Variants in GET4 observed in about 807,000 individuals in gnomAD.
GET4 encodes guided entry of tail-anchored proteins factor 4, also known as Golgi to ER traffic protein 4 homolog.
GET4 carries 20 observed loss-of-function variants against 40.0 expected under a neutral mutation model. The observed-to-expected ratio is 0.50, with a 90% CI of 0.35 to 0.73. The LOEUF (loss-of-function observed/expected upper bound fraction) is 0.73. Among genes scored for constraint, GET4 ranks in the 30% least tolerant of loss-of-function variants. GET4 has a pLI of 0.01. For synonymous variants in GET4, 280 were observed against 194.6 expected (o/e 1.44, Z -3.65); for missense variants, 557 against 454.0 (o/e 1.23, Z -2.06).
chr7:891,012 C>T lies in GET4; in HGVS notation c.551C>T (p.Thr184Met), dbSNP rs770819090. ...GCANMLVEYS[T>M]SRGFRSEVDM... is the part of the protein sequence containing the mutation. ...GCCAACATGCTGGTGGAGTATTCCACGTCCCGCGGCTTCCGCAGCGAGGTG... is the reference window on the plus strand; with the variant it reads ...GCCAACATGCTGGTGGAGTATTCCATGTCCCGCGGCTTCCGCAGCGAGGTG... Residue 184 changes from threonine (T) to methionine (M), a missense_variant, in exon 5 of 9, where the codon ACG becomes ATG. Thr to Met is a moderately conservative substitution (Grantham distance 81). Coordinates refer to ENST00000265857, the MANE Select transcript of GET4 (RefSeq NM_015949.3). 1.4e-5 allele frequency: 22 copies of T among 1,611,340 alleles called. No homozygotes were observed. In the Middle Eastern group the frequency reaches 8.2e-4, roughly 60 times the overall value.
intron 6 of GET4, among the ~76,000 whole-genome samples, chr7:893,316 AGGTGAGTGTTGGGCG>A (rs1844379125): frequency 1.9e-5 from 2 of 104,960 alleles, no homozygotes; most frequent in African/African-American, 7.5e-5. Context: ...TGGTGTGTGC[AGGTGAGTGTTGGGCG>A]CGGGCGTGGT....
In GET4 at chr7:892,350, C is replaced by T. The variant is rs755934178; in HGVS notation, c.678C>T (p.Ile226=). Residue 226 remains isoleucine (I), a synonymous_variant, in exon 6 of 9, where the codon ATC becomes ATT. Coordinates refer to ENST00000265857, the MANE Select transcript of GET4 (RefSeq NM_015949.3). ...CGTACACCCAGAAGCACCCGTCCAT[C>T]GAGGACGGGCCTCCGTTTGTGGAGC... ...FTTYTQKHPS[I]EDGPPFVEPL... is the part of the protein sequence containing the mutation. 92 of 1,595,434 alleles carry T rather than the reference C, an allele frequency of 5.8e-5. No individual in the cohort carries two copies. The highest frequency in any genetic ancestry group is 1.5e-4 in the Admixed American group (9 of 59,806).
rs541465911 is a variant in GET4 at position 892,168 on chromosome 7, C to T, written c.606-110C>T. On this transcript the variant is annotated intron_variant, in intron 5 of 8. Coordinates refer to ENST00000265857, the MANE Select transcript of GET4 (RefSeq NM_015949.3). ...TGGGTCCCTCCATGGCCTTGGGCCG[C>T]AGGAACCGTGGGCGCACGAGCTTGG... is the stretch of plus-strand genomic sequence containing the variant. 1.4e-4 allele frequency: 158 copies of T among 1,132,866 alleles called. No individual in the cohort carries two copies. The African/African-American group carries it at 2.1e-3, about 15-fold the overall frequency. The allele number at this position is 1,132,866 out of a possible 1,614,324, so 70.2% of individuals were successfully genotyped here.
chr7:884,131 C>G (rs933430672), intron 1 of GET4: 2 of 1,236,338 alleles, frequency 1.6e-6, no homozygotes, highest in South Asian at 2.8e-5. Context: ...TGCTTTACCT[C>G]AGATAGAAGC....
chr7:892,984 AGT>A lies in GET4; in HGVS notation c.746+569_746+570del, dbSNP rs143225690. Among the ~76,000 whole-genome samples the A allele has an allele frequency of 2.6e-4, 38 of 147,222 alleles. 1 individual carries two copies. The East Asian group carries it at 7.6e-3, about 29-fold the overall frequency. On this transcript the variant is annotated intron_variant, in intron 6 of 8. Transcript: ENST00000265857. ...TGCAGGTGTTGGGTGTTTGCAGGTA[AGT>A]GTTGGGGGCGGGCGTGGTGGTGTTT...
rs1188547990 is a variant in GET4, at chr7:882,540, G to A, written c.156-3516G>A. The A allele has an allele frequency of 4.6e-5, 7 of 152,560 alleles. No homozygotes were observed. In the South Asian group the frequency reaches 7.9e-4, roughly 17 times the overall value. 9.5% of individuals were successfully genotyped at this position (152,560 alleles called of 1,614,324 possible). ...AGTTATGGGCGGCCGACCTTGCCCC[G>A]GGGATGGCGCGGGTTGTGGGCGGCC... On this transcript the variant is annotated intron_variant, in intron 1 of 8. Transcript: ENST00000265857.
rs565623105 is a variant in GET4 at position 889,275 on chromosome 7, G to A, written c.467-1653G>A. 2.2e-3 allele frequency among the ~76,000 whole-genome samples: 340 copies of A among 152,312 alleles called. 2 individuals are homozygous for A. The highest frequency in any genetic ancestry group is 3.8e-3 in the Non-Finnish European group (257 of 68,018). ...TGTGGGACTTTGATGGACCTCACCC[G>A]GGGAGCCCAGGCCTGCTCCACGGCA... On this transcript the variant is annotated intron_variant, in intron 4 of 8. Transcript: ENST00000265857.
chr7:891,723 C>G (rs1475865716), intron 5 of GET4, among the ~76,000 whole-genome samples: 1 of 152,286 alleles, frequency 6.6e-6, no homozygotes, highest in African/African-American at 2.4e-5. Flanking sequence ...ATCCTCTGAC[C>G]TCAGCGTTGC....
chr7:892,495 T>G, intron 6 of GET4, 77 bp downstream of exon 6: 3 of 1,467,218 alleles, frequency 2.0e-6, no homozygotes, highest in African/African-American at 2.8e-5. Flanking sequence ...GATAGCTGTG[T>G]GGGTGTGTGT....
intron 1 of GET4, chr7:878,206 C>T (rs1016196547): frequency 4.3e-6 from 2 of 468,658 alleles, no homozygotes; most frequent in African/African-American, 2.0e-5. Flanking sequence ...ACTGCACGCC[C>T]CTCGGGACTG....
rs182468743 is a variant in GET4 at position 884,443 on chromosome 7, G to C, written c.156-1613G>C. The C allele has an allele frequency of 1.7e-5, 18 of 1,089,792 alleles. No individual in the cohort carries two copies. The South Asian group carries it at 2.6e-4, about 16-fold the overall frequency. The allele number at this position is 1,089,792 out of a possible 1,614,324, so 67.5% of individuals were successfully genotyped here. On this transcript the variant is annotated intron_variant, in intron 1 of 8. Transcript: ENST00000265857. ...ACTGTGCGGGGAGCACAGCAAAACC[G>C]GAGGCCTGCCAACGGCCTGCAGGCT...
chr7:879,281 C>T (rs997980229), intron 1 of GET4, among the ~76,000 whole-genome samples: 1 of 152,198 alleles, frequency 6.6e-6, no homozygotes, highest in Admixed American at 6.5e-5. Flanking sequence ...AGCGAGTGGC[C>T]GGCACGCCGC....
At chr7:883,641 C>A in intron 1 of GET4, 3 of 985,504 alleles carry the variant, frequency 3.0e-6, no homozygotes, top group Non-Finnish European at 3.6e-6. Flanking sequence ...TGGGTGTCCA[C>A]ATGGCACGGC....
Position 887,448 on chromosome 7 carries a change from G to A in GET4, c.395G>A (p.Trp132Ter). ...RVTFVSRALK[W>*]SSGGSGKLGH... ...ACCTTTGTGTCCAGAGCCCTGAAGT[G>A]GTCCAGTGGGGGCTCCGGGAAGCTG... is the stretch of plus-strand genomic sequence containing the variant. Residue 132 changes from tryptophan to a stop codon, truncating the protein, a stop_gained, in exon 4 of 9, where the codon TGG becomes TAG. Coordinates refer to ENST00000265857, the MANE Select transcript of GET4 (RefSeq NM_015949.3). LOFTEE classifies it high-confidence loss of function. The A allele has an allele frequency of 6.3e-7, 1 of 1,595,912 alleles. No individual in the cohort carries two copies. The highest frequency in any genetic ancestry group is 8.6e-7 in the Non-Finnish European group (1 of 1,169,198).
chr7:889,022 C>G (rs1844253161), intron 4 of GET4, among the ~76,000 whole-genome samples: 1 of 152,236 alleles, frequency 6.6e-6, no homozygotes, highest in Non-Finnish European at 1.5e-5. Flanking sequence ...ATGCCCATGC[C>G]CAGTACTCAG....
At chr7:883,707 G>T in intron 1 of GET4, 12 of 985,964 alleles carry the variant, frequency 1.2e-5, no homozygotes, top group Non-Finnish European at 1.4e-5. Flanking sequence ...ATGCCCAGCT[G>T]CCCCCCACTC....
intron 3 of GET4, 88 bp downstream of exon 3, chr7:886,738 C>T (rs983766559): frequency 1.4e-5 from 12 of 871,450 alleles, no homozygotes. Flanking sequence ...TTCGTGTCTG[C>T]GTTTGGGGGT....
rs1281260455 is a variant in GET4 at position 877,212 on chromosome 7, TC to T, written c.155+413del. Among the ~76,000 whole-genome samples, 206 of 144,956 alleles carry T rather than the reference TC, an allele frequency of 1.4e-3. 2 individuals carry two copies. Among genetic ancestry groups the T allele is most frequent in the African/African-American group, 5.2e-3 (198 of 38,310 alleles). ...CCCCACCTTGGTCTCGCTCTCTCTC[TC>T]TCTCTCTCTGGCCTTCTCCTTCTTC... On this transcript the variant is annotated intron_variant, in intron 1 of 8. Transcript: ENST00000265857.
At chr7:879,870 C>T (rs759052364) in intron 1 of GET4, 16 of 152,194 alleles carry the variant, frequency 1.1e-4, no homozygotes, top group Non-Finnish European at 2.1e-4. Flanking sequence ...GTTGTGATAG[C>T]GCCTTCAACC....
Sources: allele counts gnomAD v4.1 joint callset (sites outside exome capture counted in the v4.1 genomes callset), GRCh38; gene constraint gnomAD v4.1.1; transcripts MANE v1.5; gene names NCBI Gene and HGNC (gene_info 2026-07-23, HGNC 2026-07-21).